Variants in BBS2 observed in about 807,000 individuals in gnomAD.
BBS2 encodes the protein Bardet-Biedl syndrome 2.
A neutral mutation model predicts 83.0 loss-of-function variants in BBS2; 62 were observed. That is an observed-to-expected ratio of 0.75 (90% CI 0.61 to 0.92). The LOEUF is 0.92. BBS2 is among the 40% of genes least tolerant of loss of function. The pLI is 0.00. For missense variants in BBS2, 784 were observed against 901.0 expected (o/e 0.87, Z 1.66); for synonymous variants, 303 against 326.1 (o/e 0.93, Z 0.76).
In BBS2 at chr16:56,485,623, T is replaced by A; in HGVS notation, c.2026A>T (p.Asn676Tyr). The A allele has an allele frequency of 6.2e-7, 1 of 1,614,190 alleles. No homozygotes were observed. The highest frequency in any genetic ancestry group is 1.1e-5 in the South Asian group (1 of 91,086). Residue 676 changes from asparagine to tyrosine, a missense_variant, in exon 16 of 17, where the codon AAT becomes TAT. Transcript: ENST00000245157. ...CGACCTGCTCTTTGAATTGCTTGAT[T>A]TACTGCTTTGAGGTTTCCCAACAGC... The part of the protein sequence containing the change: ...TELLGNLKAV[N>Y]QAIQRAGRLR...
chr16:56,495,782 GTGTGTGTGTA>G (rs1964098903), intron 15 of BBS2, among the ~76,000 whole-genome samples: 1 of 149,744 alleles, frequency 6.7e-6, no homozygotes, highest in African/African-American at 2.5e-5. Flanking sequence ...GTGTGTGTGT[GTGTGTGTGTA>G]TATATATGTA....
chr16:56,500,053 G>A (rs1470043881), intron 11 of BBS2, 146 bp from the exon 12 acceptor site: 11 of 869,866 alleles, frequency 1.3e-5, no homozygotes, highest in Non-Finnish European at 1.9e-5. Context: ...ACACTTGAGG[G>A]TTAAAGTACT....
At chr16:56,480,356 A>AAAC (rs1567561749), downstream of BBS2, among the ~76,000 whole-genome samples, 2 of 100,772 alleles carry the variant, frequency 2.0e-5, no homozygotes, top group South Asian at 3.6e-4. Flanking sequence ...CACACACAAA[A>AAAC]AAAAAAAAAC....
At chr16:56,514,361 C>T in intron 2 of BBS2, 92 bp downstream of exon 2, 2 of 1,252,706 alleles carry the variant, frequency 1.6e-6, no homozygotes, top group Non-Finnish European at 2.3e-6. Context: ...ATACAACAAA[C>T]AGACCAAAAT....
intron 4 of BBS2, 69 bp from the exon 5 acceptor site, chr16:56,510,103 A>C: frequency 7.0e-7 from 1 of 1,420,554 alleles, no homozygotes; most frequent in South Asian, 1.2e-5. Context: ...AAACAAAACA[A>C]AAAATTGCAC....
At position 56,502,367 on chromosome 16, in the gene BBS2, T is replaced by C. The variant is rs1212223676; in HGVS notation, c.1030A>G (p.Lys344Glu). Reference sequence around the variant, plus strand: ...AGTTCCAGCAACAGATTCTGCTTCTTCTGACTCAGCTCTCGGATCAGGTCC... The same window carrying C: ...AGTTCCAGCAACAGATTCTGCTTCTCCTGACTCAGCTCTCGGATCAGGTCC... ...EQDLIRELSQ[K>E]KQNLLLELRN... Residue 344 changes from lysine to glutamate, a missense_variant, in exon 9 of 17, where the codon AAG becomes GAG. Transcript: ENST00000245157. The C allele has an allele frequency of 6.2e-7, 1 of 1,614,108 alleles. No homozygotes were observed. The highest frequency in any genetic ancestry group is 8.5e-7 in the Non-Finnish European group (1 of 1,180,048).
intron 17 of BBS2, among the ~76,000 whole-genome samples, chr16:56,471,565 G>A (rs1375116658): frequency 6.6e-6 from 1 of 152,186 alleles, no homozygotes; most frequent in Non-Finnish European, 1.5e-5. Flanking sequence ...TTACTACTAT[G>A]TCAGTGAGAA....
At chr16:56,514,326 GT>G in intron 2 of BBS2, 126 bp downstream of exon 2, 1 of 864,206 alleles carries the variant, frequency 1.2e-6, no homozygotes, top group Non-Finnish European at 1.9e-6. Flanking sequence ...AAATCTCCAT[GT>G]TGTTTACCTA....
chr16:56,493,383 CAAAAAAAAAAAA>C (rs1177705335), intron 15 of BBS2, among the ~76,000 whole-genome samples: 7 of 24,020 alleles, frequency 2.9e-4, no homozygotes, highest in African/African-American at 5.0e-4. Context: ...GACCTTGTCT[CAAAAAAAAAAAA>C]AAAAAAAAAA....
chr16:56,477,459 A>C (rs571334000), intron 17 of BBS2: 1 of 152,204 alleles, frequency 6.6e-6, no homozygotes, highest in Non-Finnish European at 1.5e-5. Flanking sequence ...CCATCCTGCA[A>C]TTGTGGCCTG....
chr16:56,511,710 A>G (rs1010263375), intron 2 of BBS2, among the ~76,000 whole-genome samples: 2 of 152,190 alleles, frequency 1.3e-5, no homozygotes, highest in African/African-American at 4.8e-5. Context: ...TCTAATATGT[A>G]CATGTCCTAT....
intron 11 of BBS2, 64 bp downstream of exon 11, chr16:56,500,790 A>T: frequency 6.4e-7 from 1 of 1,570,356 alleles, no homozygotes. Context: ...CATATGGAAA[A>T]TTTATACATC....
chr16:56,494,461 C>T (rs1210473232), intron 15 of BBS2, among the ~76,000 whole-genome samples: 1 of 152,048 alleles, frequency 6.6e-6, no homozygotes, highest in Non-Finnish European at 1.5e-5. Context: ...AGTGGTCAGA[C>T]CATGATCTCT....
In BBS2 at chr16:56,514,563, T is replaced by C; in HGVS notation, c.235A>G (p.Thr79Ala). The change falls in exon 2 of 17, where the codon ACT (threonine) becomes GCT (alanine). Residue 79 changes from threonine to alanine, a missense_variant. Physicochemically the swap from Thr to Ala is moderately conservative, Grantham distance 58. Coordinates refer to ENST00000245157, the MANE Select transcript of BBS2 (RefSeq NM_031885.5). Reference sequence around the variant, plus strand: ...AGCTCAGGGTTCAATACGCCTGCAGTCAGACAGCTGACTGCCTGGTTAATG... The same window carrying C: ...AGCTCAGGGTTCAATACGCCTGCAGCCAGACAGCTGACTGCCTGGTTAATG... ...LSINQAVSCL[T>A]AGVLNPELGY... is the part of the protein sequence containing the mutation. 1 of 1,614,104 alleles carries C rather than the reference T, an allele frequency of 6.2e-7. No individual in the cohort carries two copies. The highest frequency in any genetic ancestry group is 1.3e-5 in the African/African-American group (1 of 75,052).
intron 2 of BBS2, 119 bp from the exon 3 acceptor site, chr16:56,511,403 A>C: frequency 7.2e-7 from 1 of 1,386,326 alleles, no homozygotes; most frequent in Non-Finnish European, 1.0e-6. Flanking sequence ...ATTATCCATA[A>C]TGTGGGTGGG....
chr16:56,472,051 T>A (rs1471440674), intron 17 of BBS2, among the ~76,000 whole-genome samples: 1 of 152,142 alleles, frequency 6.6e-6, no homozygotes, highest in African/African-American at 2.4e-5. Context: ...AGCCTTGACC[T>A]CCTAGGCTCG....
Position 56,511,229 on chromosome 16 carries a change from G to A in BBS2, c.401C>T (p.Pro134Leu). The A allele has an allele frequency of 6.2e-7, 1 of 1,614,000 alleles. No individual in the cohort carries two copies. Among genetic ancestry groups the A allele is most frequent in the South Asian group, 1.1e-5 (1 of 91,068 alleles). The change falls in exon 3 of 17, where the codon CCT (proline) becomes CTT (leucine). Residue 134 changes from proline (P) to leucine (L), a missense_variant. By Grantham distance (98) the Pro-to-Leu change is moderately conservative. Coordinates refer to ENST00000245157, the MANE Select transcript of BBS2 (RefSeq NM_031885.5). ...ACAATTGCCACCAATAATCGCAAGA[G>A]GGGAAGAAATGTCTCCCAATGTCCC... ...VLGTLGDISS[P>L]LAIIGGNCAL...
chr16:56,509,995 TA>T lies in BBS2; in HGVS notation c.573del (p.Phe191LeufsTer10). 1 of 1,614,070 alleles carries T rather than the reference TA, an allele frequency of 6.2e-7. No homozygotes were observed. The highest frequency in any genetic ancestry group is 2.2e-5 in the East Asian group (1 of 44,880). ...VGSEDFDIRV[F>X]KEDEIVAEMT... ...ATTTCTGCCACAATCTCATCTTCCT[TA>T]AAAACTCGGATATCAAAATCCTCAG... On this transcript the variant is annotated frameshift_variant, in exon 5 of 17. Transcript: ENST00000245157. LOFTEE classifies it high-confidence loss of function.
intron 16 of BBS2, 35 bp downstream of exon 16, chr16:56,485,555 C>G: frequency 6.2e-7 from 1 of 1,612,554 alleles, no homozygotes; most frequent in Non-Finnish European, 8.5e-7. Flanking sequence ...AAAAACATTA[C>G]AGATCAAAGT....
Sources: allele counts gnomAD v4.1 joint callset (sites outside exome capture counted in the v4.1 genomes callset), GRCh38; gene constraint gnomAD v4.1.1; transcripts MANE v1.5; gene names NCBI Gene and HGNC (gene_info 2026-07-23, HGNC 2026-07-21).